Variants in CFDP1 observed in about 807,000 individuals in gnomAD.
CFDP1 encodes heterochromatin-stabilizing protein CFDP1.
CFDP1 carries 31 observed loss-of-function variants against 40.1 expected under a neutral mutation model. The ratio of observed to expected loss-of-function variants is 0.77; its 90% CI spans 0.58 to 1.04. CFDP1 has a LOEUF of 1.04. Ranked by LOEUF, CFDP1 falls within the 50% of genes least tolerant of loss-of-function variation. The pLI, the probability that CFDP1 is intolerant of heterozygous loss-of-function variation, is 0.00. For missense variants in CFDP1, 423 were observed against 343.4 expected, an observed-to-expected ratio of 1.23 and a Z score of -1.83; for synonymous variants, 167 against 120.0, an observed-to-expected ratio of 1.39 and a Z score of -2.56.
chr16:75,416,430 G>A (rs1051868184), intron 1 of CFDP1, among the ~76,000 whole-genome samples: 55 of 147,032 alleles, frequency 3.7e-4, no homozygotes, highest in African/African-American at 1.4e-3. Context: ...AAACAAAAAA[G>A]CTCGTAAAAA....
chr16:75,396,270 T>C lies in CFDP1; in HGVS notation c.531-1061A>G, dbSNP rs1234019021. On this transcript the variant is annotated intron_variant, in intron 4 of 6. Transcript: ENST00000283882. ...AAAAATTTGAGGAGACCAGGCACAGTGGCCCATGCCTGTAATCCCAGCACT... is the reference window on the plus strand; with the variant it reads ...AAAAATTTGAGGAGACCAGGCACAGCGGCCCATGCCTGTAATCCCAGCACT... 3.8e-5 allele frequency among the ~76,000 whole-genome samples: 4 copies of C among 103,976 alleles called. 2 individuals carry two copies. Among genetic ancestry groups the C allele is most frequent in the Admixed American group, 2.5e-4 (2 of 8,122 alleles). The allele number at this position is 103,976 out of a possible 152,430, so 68.2% of individuals were successfully genotyped here.
At chr16:75,302,505 C>T (rs993201775) in intron 6 of CFDP1, among the ~76,000 whole-genome samples, 2 of 152,238 alleles carry the variant, frequency 1.3e-5, no homozygotes. Context: ...CCTGCCTTGG[C>T]CTCCCAAAGT....
intron 5 of CFDP1, among the ~76,000 whole-genome samples, chr16:75,380,428 A>G (rs2078843134): frequency 6.6e-6 from 1 of 152,134 alleles, no homozygotes; most frequent in African/African-American, 2.4e-5. Context: ...GACAGTTTCA[A>G]TAACTTCCAG....
At chr16:75,391,975 TAAAA>T (rs1270925089) in intron 5 of CFDP1, among the ~76,000 whole-genome samples, 1 of 148,154 alleles carries the variant, frequency 6.7e-6, no homozygotes, top group African/African-American at 2.6e-5. Context: ...CTCAAAAAAA[TAAAA>T]AATAAATAAA....
In CFDP1 at chr16:75,293,834, A is replaced by G. The variant is rs919856884; in HGVS notation, c.*118T>C. ...ATACATAGACAGAACTTCAATGTAG[A>G]AAAAAAAAAGACCTTGCTGGGAAAC... On this transcript the variant is annotated 3_prime_UTR_variant, in exon 7 of 7. Transcript: ENST00000283882. The G allele has an allele frequency of 4.7e-5, 30 of 635,566 alleles. No individual in the cohort carries two copies. The highest frequency in any genetic ancestry group is 3.8e-4 in the African/African-American group (20 of 52,996). The allele number at this position is 635,566 out of a possible 1,614,324, so 39.4% of individuals were successfully genotyped here. A position where few individuals can be genotyped will look rare whatever the true frequency, so the allele number is the denominator to read the frequency against.
intron 5 of CFDP1, among the ~76,000 whole-genome samples, chr16:75,338,135 C>T (rs186828822): frequency 1.5e-4 from 23 of 152,280 alleles, no homozygotes; most frequent in Admixed American, 2.6e-4. Context: ...TGTACTTCCA[C>T]TGAACTCAAT....
intron 5 of CFDP1, among the ~76,000 whole-genome samples, chr16:75,375,267 A>G (rs536519581): frequency 1.3e-5 from 2 of 152,324 alleles, no homozygotes; most frequent in East Asian, 1.9e-4. Context: ...AAAAAAATGA[A>G]TAAGCAAGAC....
intron 1 of CFDP1, among the ~76,000 whole-genome samples, chr16:75,420,833 A>G (rs1254115169): frequency 3.3e-5 from 5 of 152,212 alleles, no homozygotes; most frequent in Admixed American, 6.5e-5. Context: ...GTCTCTAGGT[A>G]GTTCAACTAT....
intron 4 of CFDP1, among the ~76,000 whole-genome samples, chr16:75,397,795 C>A (rs1401371888): frequency 6.6e-6 from 1 of 152,070 alleles, no homozygotes; most frequent in South Asian, 2.1e-4. Flanking sequence ...GACAGCGAGA[C>A]TCCGTCTCAA....
At chr16:75,425,390 C>CAAA (rs34282121) in intron 1 of CFDP1, among the ~76,000 whole-genome samples, 185 of 98,782 alleles carry the variant, frequency 1.9e-3, no homozygotes, top group African/African-American at 3.2e-3. Flanking sequence ...CCATCCCCCT[C>CAAA]AAAAAAAAAA....
intron 1 of CFDP1, among the ~76,000 whole-genome samples, chr16:75,431,347 A>G (rs2079412193): frequency 6.8e-6 from 1 of 146,814 alleles, no homozygotes; most frequent in South Asian, 2.3e-4. Context: ...CCAGCTACTC[A>G]GGAGGCTGAG....
intron 5 of CFDP1, among the ~76,000 whole-genome samples, chr16:75,378,295 G>C (rs921909099): frequency 6.6e-6 from 1 of 151,684 alleles, no homozygotes; most frequent in Non-Finnish European, 1.5e-5. Context: ...GTCTCTGCTT[G>C]AACTATGGCA....
chr16:75,332,752 A>C (rs1359601991), intron 5 of CFDP1, among the ~76,000 whole-genome samples: 2 of 148,798 alleles, frequency 1.3e-5, no homozygotes, highest in Non-Finnish European at 3.0e-5. Flanking sequence ...TATTTCAGAT[A>C]TATATTTTAC....
chr16:75,333,495 A>G (rs2078463253), intron 5 of CFDP1, among the ~76,000 whole-genome samples: 1 of 152,244 alleles, frequency 6.6e-6, no homozygotes, highest in Non-Finnish European at 1.5e-5. Context: ...GTCAACAAAA[A>G]AGGAAAAAAG....
chr16:75,415,688 G>C (rs990805644), intron 1 of CFDP1, among the ~76,000 whole-genome samples: 15 of 152,294 alleles, frequency 9.8e-5, no homozygotes, highest in Admixed American at 6.5e-4. Flanking sequence ...CATTGTTGCA[G>C]TGTAGCTGTA....
chr16:75,319,070 A>T (rs761437377), intron 5 of CFDP1, among the ~76,000 whole-genome samples: 1 of 152,030 alleles, frequency 6.6e-6, no homozygotes, highest in Admixed American at 6.5e-5. Flanking sequence ...TTTTTTTGAG[A>T]TGAAGTTTCT....
At chr16:75,431,766 G>A (rs2079421407) in intron 1 of CFDP1, among the ~76,000 whole-genome samples, 1 of 152,202 alleles carries the variant, frequency 6.6e-6, no homozygotes, top group Admixed American at 6.5e-5. Context: ...GGGGAAGGAG[G>A]TCAGGGGCTA....
chr16:75,386,177 T>C (rs1176023712), intron 5 of CFDP1, among the ~76,000 whole-genome samples: 3 of 152,184 alleles, frequency 2.0e-5, no homozygotes, highest in Non-Finnish European at 2.9e-5. Flanking sequence ...CATCTGGCTC[T>C]TAAAATCATA....
chr16:75,411,608 C>T (rs1384468200), intron 4 of CFDP1, among the ~76,000 whole-genome samples: 1 of 152,182 alleles, frequency 6.6e-6, no homozygotes, highest in East Asian at 1.9e-4. Context: ...TTCTGTTCAG[C>T]TGAGCACTTC....
Sources: allele counts gnomAD v4.1 joint callset (sites outside exome capture counted in the v4.1 genomes callset), GRCh38; gene constraint gnomAD v4.1.1; transcripts MANE v1.5; gene names NCBI Gene and HGNC (gene_info 2026-07-23, HGNC 2026-07-21).